Variants in MGME1 observed in about 807,000 individuals in gnomAD.
MGME1 encodes mitochondrial genome maintenance exonuclease 1.
Under a neutral mutation model 33.0 loss-of-function variants are expected in MGME1, and 22 were observed. The observed-to-expected ratio is 0.67, with a 90% CI of 0.48 to 0.95. The LOEUF (loss-of-function observed/expected upper bound fraction) is 0.95. MGME1 is among the 40% of genes least tolerant of loss of function. The pLI, the probability that MGME1 is intolerant of heterozygous loss-of-function variation, is 0.00. For missense variants in MGME1, 383 were observed against 397.8 expected (o/e 0.96, Z 0.32); for synonymous variants, 133 against 144.0 (o/e 0.92, Z 0.55).
intron 2 of MGME1, among the ~76,000 whole-genome samples, chr20:17,972,067 G>A (rs2035742531): frequency 6.6e-6 from 1 of 152,134 alleles, no homozygotes; most frequent in Non-Finnish European, 1.5e-5. Context: ...ATAAGTATTA[G>A]TAAGCAGTGG....
rs2036287090 is a variant in MGME1 at position 17,991,055 on chromosome 20, G to A, written c.*946G>A. On this transcript the variant is annotated 3_prime_UTR_variant, in exon 5 of 5. Transcript: ENST00000377710. ...ATACAGTTGCTGCCTTAAAATAGTA[G>A]CCTGCTACAATGACTTCTTTGGGTA... 1 of 152,118 alleles carries A rather than the reference G, an allele frequency of 6.6e-6. No individual in the cohort carries two copies. Among genetic ancestry groups the A allele is most frequent in the African/African-American group, 2.4e-5 (1 of 41,444 alleles). The allele number at this position is 152,118 out of a possible 1,614,324, so 9.4% of individuals were successfully genotyped here.
chr20:17,990,410 TGG>T lies in MGME1; in HGVS notation c.*313_*314del, dbSNP rs537608341. 438 of 45,374 alleles carry T rather than the reference TGG, an allele frequency of 9.7e-3. No individual in the cohort carries two copies. The highest frequency in any genetic ancestry group is 0.037 in the Middle Eastern group (3 of 80). The allele number at this position is 45,374 out of a possible 1,614,324, so 2.8% of individuals were successfully genotyped here. ...ACTCTTGTACTCCCTTGAGGGACATTGGGGGGGGGGGGGCGTGGTCCCAGGCA... is the reference window on the plus strand; with the variant it reads ...ACTCTTGTACTCCCTTGAGGGACATTGGGGGGGGGGGCGTGGTCCCAGGCA... On this transcript the variant is annotated 3_prime_UTR_variant, in exon 5 of 5. Coordinates refer to ENST00000377710, the MANE Select transcript of MGME1 (RefSeq NM_052865.4).
upstream of MGME1, chr20:17,968,609 G>A (rs768213203): frequency 1.3e-5 from 8 of 635,436 alleles, no homozygotes; most frequent in South Asian, 6.5e-5. Context: ...GGGAGCAGGC[G>A]AGCAGGGCGC....
chr20:17,975,937 G>T, intron 3 of MGME1, 34 bp downstream of exon 3: 1 of 1,517,494 alleles, frequency 6.6e-7, no homozygotes, highest in Non-Finnish European at 9.2e-7. Context: ...TTAATACAGC[G>T]TAGGACAGAT....
Position 17,969,823 on chromosome 20 carries a change from G to A in MGME1, c.-37G>A, listed in dbSNP as rs763018318. On this transcript the variant is annotated 5_prime_UTR_variant, in exon 2 of 5. Coordinates refer to ENST00000377710, the MANE Select transcript of MGME1 (RefSeq NM_052865.4). ...TAGGAATACAAACATAAAGGCCTTC[G>A]ACCGTTGCAAATAGACTAAAGTGAA... 1.3e-5 allele frequency: 20 copies of A among 1,557,300 alleles called. No individual in the cohort carries two copies. The highest frequency in any genetic ancestry group is 1.6e-5 in the Non-Finnish European group (19 of 1,157,102).
At chr20:17,989,130 AATT>A (rs1290417646) in intron 4 of MGME1, among the ~76,000 whole-genome samples, 1 of 149,530 alleles carries the variant, frequency 6.7e-6, no homozygotes, top group Non-Finnish European at 1.5e-5. Flanking sequence ...CCAAGCCTAT[AATT>A]CCAGCACTTT....
chr20:17,970,351 C>T lies in MGME1; in HGVS notation c.492C>T (p.Gly164=). 1 of 1,612,402 alleles carries T rather than the reference C, an allele frequency of 6.2e-7. No individual in the cohort carries two copies. Among genetic ancestry groups the T allele is most frequent in the Non-Finnish European group, 8.5e-7 (1 of 1,179,508 alleles). The change falls in exon 2 of 5, where the codon GGC becomes GGT. Residue 164 remains glycine, a synonymous_variant. Coordinates refer to ENST00000377710, the MANE Select transcript of MGME1 (RefSeq NM_052865.4). ...QRMILELGED[G]FKEYTSNVFL... is the part of the protein sequence containing the mutation. ...TGATTCTGGAACTGGGAGAAGATGG[C>T]TTTAAAGAATACACTTCAAGTAATT...
In MGME1 at chr20:17,990,091, A is replaced by G. The variant is rs1253773963; in HGVS notation, c.1017A>G (p.Lys339=). The G allele has an allele frequency of 1.2e-6, 2 of 1,614,046 alleles. No individual in the cohort carries two copies. Among genetic ancestry groups the G allele is most frequent in the East Asian group, 2.2e-5 (1 of 44,884 alleles). Residue 339 remains lysine, a synonymous_variant, in exon 5 of 5, where the codon AAA becomes AAG. Coordinates refer to ENST00000377710, the MANE Select transcript of MGME1 (RefSeq NM_052865.4). ...AGAAAAAGAACCAGAATATTCAGAA[A>G]CCAGAATATTCAGAATAGGGAGCAA... ...TEKKKNQNIQ[K]PEYSE is the part of the protein sequence containing the mutation.
In MGME1 at chr20:17,989,953, A is replaced by G. The variant is rs2036251620; in HGVS notation, c.879A>G (p.Leu293=). ...TNYSFQVQCG[L]IVVAYKDGSP... is the part of the protein sequence containing the mutation. ...TTTCTTCCTAGGTTCAATGTGGCTTAATTGTGGTGGCCTACAAAGATGGAT... is the reference window on the plus strand; with the variant it reads ...TTTCTTCCTAGGTTCAATGTGGCTTGATTGTGGTGGCCTACAAAGATGGAT... Residue 293 remains leucine, a synonymous_variant, in exon 5 of 5, where the codon TTA becomes TTG. Coordinates refer to ENST00000377710, the MANE Select transcript of MGME1 (RefSeq NM_052865.4). The G allele has an allele frequency of 6.2e-7, 1 of 1,614,050 alleles. No homozygotes were observed. The highest frequency in any genetic ancestry group is 2.2e-5 in the East Asian group (1 of 44,882).
chr20:17,973,433 A>G (rs1373990788), intron 2 of MGME1, among the ~76,000 whole-genome samples: 1 of 152,158 alleles, frequency 6.6e-6, no homozygotes, highest in Non-Finnish European at 1.5e-5. Flanking sequence ...CGATTGCTTG[A>G]GGCCAGGTGT....
In MGME1 at chr20:17,974,062, T is replaced by G. The variant is rs1318343796; in HGVS notation, c.512-1622T>G. On this transcript the variant is annotated intron_variant, in intron 2 of 4. Coordinates refer to ENST00000377710, the MANE Select transcript of MGME1 (RefSeq NM_052865.4). ...TGTGTTTGTTGAGTCTCTTTGTGTGTTTTTTTTTTTTTTTTTTTTTTTGAG... is the reference window on the plus strand; with the variant it reads ...TGTGTTTGTTGAGTCTCTTTGTGTGGTTTTTTTTTTTTTTTTTTTTTTGAG... 7.0e-5 allele frequency among the ~76,000 whole-genome samples: 5 copies of G among 71,522 alleles called. No individual in the cohort carries two copies. The Admixed American group carries it at 7.8e-4, about 11-fold the overall frequency. 46.9% of individuals were successfully genotyped at this position (71,522 alleles called of 152,430 possible).
At chr20:17,982,126 GT>G (rs1275248087) in intron 3 of MGME1, among the ~76,000 whole-genome samples, 1 of 152,110 alleles carries the variant, frequency 6.6e-6, no homozygotes, top group Non-Finnish European at 1.5e-5. Flanking sequence ...AGATTCATTT[GT>G]TTATTTATTT....
intron 3 of MGME1, among the ~76,000 whole-genome samples, chr20:17,978,020 C>G (rs761763999): frequency 1.3e-5 from 2 of 152,126 alleles, no homozygotes; most frequent in Non-Finnish European, 2.9e-5. Flanking sequence ...ATTCCACAGC[C>G]CAATACAAAT....
chr20:17,982,050 A>G (rs1000510803), intron 3 of MGME1, among the ~76,000 whole-genome samples: 4 of 152,228 alleles, frequency 2.6e-5, no homozygotes, highest in African/African-American at 7.2e-5. Context: ...GTTTTCCACA[A>G]TTACAAACAG....
At chr20:17,984,330 C>T (rs1157422257) in intron 3 of MGME1, among the ~76,000 whole-genome samples, 2 of 152,258 alleles carry the variant, frequency 1.3e-5, no homozygotes, top group South Asian at 4.1e-4. Context: ...CCATGTTCCA[C>T]ATAACAATAT....
At chr20:17,984,756 C>T (rs2036112467) in intron 3 of MGME1, among the ~76,000 whole-genome samples, 2 of 151,804 alleles carry the variant, frequency 1.3e-5, no homozygotes, top group African/African-American at 4.8e-5. Context: ...AAAAAGAGGC[C>T]GGGGCATGGT....
At chr20:17,977,625 TTAA>T (rs1195252393) in intron 3 of MGME1, among the ~76,000 whole-genome samples, 6 of 152,168 alleles carry the variant, frequency 3.9e-5, no homozygotes, top group Admixed American at 2.6e-4. Flanking sequence ...ATTAATTTTC[TTAA>T]TTATTATATT....
upstream of MGME1, chr20:17,968,718 G>C: frequency 4.6e-6 from 2 of 430,650 alleles, no homozygotes; most frequent in South Asian, 5.2e-5. Context: ...CGCTCCACGA[G>C]GAGGCCGCCA....
rs1193481394 is a variant in MGME1 at position 17,988,168 on chromosome 20, G to A, written c.734G>A (p.Gly245Asp). ...GLLDCVAEYQGKLCVIDWKTS... is the reference protein window; with the variant it reads ...GLLDCVAEYQDKLCVIDWKTS... ...GTCTTCCTGTGGTTTCTCTTTAGGG[G>A]CAAGCTCTGTGTGATTGATTGGAAG... The change falls in exon 4 of 5, where the codon GGC becomes GAC. Residue 245 changes from glycine (G) to aspartate (D), a missense_variant and splice_region_variant. Physicochemically the swap from Gly to Asp is moderately conservative, Grantham distance 94. Coordinates refer to ENST00000377710, the MANE Select transcript of MGME1 (RefSeq NM_052865.4). 6.2e-7 allele frequency: 1 copy of A among 1,611,888 alleles called. No individual in the cohort carries two copies. Among genetic ancestry groups the A allele is most frequent in the Admixed American group, 1.7e-5 (1 of 59,552 alleles).
Sources: gnomAD v4.1 joint callset for allele counts (sites outside exome capture counted in the v4.1 genomes callset) on GRCh38, gnomAD v4.1.1 for gene constraint, MANE v1.5 for transcripts, NCBI Gene and HGNC (gene_info 2026-07-23, HGNC 2026-07-21) for gene names.